Variants in POU2AF2 observed in about 807,000 individuals in gnomAD.
POU2AF2 encodes the protein POU class 2 homeobox associating factor 2.
chr11:111,255,010 A>C, the POU2AF2 span, among the ~76,000 whole-genome samples: 77 of 152,340 alleles, frequency 5.1e-4, 1 homozygote, highest in African/African-American at 1.6e-3. Context: ...TTTCTAGAAT[A>C]GGCCAAACAA....
chr11:111,271,407 TTTTA>T, the POU2AF2 span, among the ~76,000 whole-genome samples: 1 of 152,200 alleles, frequency 6.6e-6, no homozygotes. Context: ...AAAAACTCTT[TTTTA>T]TTTCTTTTTT....
chr11:111,261,904 C>T, the POU2AF2 span, among the ~76,000 whole-genome samples: 13 of 152,096 alleles, frequency 8.5e-5, no homozygotes, highest in Non-Finnish European at 1.6e-4. Flanking sequence ...AGAGAAATAT[C>T]CCAAGTGAGA....
At chr11:111,284,175 C>T in the POU2AF2 span, 1 of 1,614,104 alleles carries the variant, frequency 6.2e-7, no homozygotes. Flanking sequence ...GTCTACACCT[C>T]CAGCGTGGGG....
chr11:111,268,363 A>G, the POU2AF2 span, among the ~76,000 whole-genome samples: 1 of 152,076 alleles, frequency 6.6e-6, no homozygotes, highest in East Asian at 1.9e-4. Context: ...CATAACCTGA[A>G]CCGACCCTAC....
the POU2AF2 span, among the ~76,000 whole-genome samples, chr11:111,252,866 G>A: frequency 3.3e-5 from 5 of 151,934 alleles, no homozygotes; most frequent in African/African-American, 9.7e-5. Context: ...CAAACTTCAA[G>A]AAGAAATAGT....
At chr11:111,277,991 G>A in the POU2AF2 span, among the ~76,000 whole-genome samples, 1 of 152,174 alleles carries the variant, frequency 6.6e-6, no homozygotes, top group Non-Finnish European at 1.5e-5. Context: ...CCTTCTCATA[G>A]AAATATTAAG....
chr11:111,283,969 A>G, the POU2AF2 span: 3 of 960,608 alleles, frequency 3.1e-6, no homozygotes, highest in East Asian at 7.2e-5. Flanking sequence ...CGTTGGAGTC[A>G]GGCACGCGTT....
the POU2AF2 span, chr11:111,256,006 G>A: frequency 8.3e-5 from 33 of 399,118 alleles, 1 homozygote; most frequent in Non-Finnish European, 8.8e-6. Flanking sequence ...CAGCAAACGA[G>A]TGTATCAAGG....
the POU2AF2 span, chr11:111,256,131 T>C: frequency 2.5e-6 from 1 of 398,880 alleles, no homozygotes; most frequent in Admixed American, 4.4e-5. Flanking sequence ...TGCTTGCAGG[T>C]TCTCTCTCCT....
At chr11:111,278,688 C>T in the POU2AF2 span, among the ~76,000 whole-genome samples, 6 of 152,298 alleles carry the variant, frequency 3.9e-5, no homozygotes, top group African/African-American at 1.4e-4. Context: ...GTCTCCTGAA[C>T]TGTGAGAAAT....
At chr11:111,262,688 G>A in the POU2AF2 span, among the ~76,000 whole-genome samples, 9 of 152,272 alleles carry the variant, frequency 5.9e-5, no homozygotes, top group African/African-American at 1.9e-4. Context: ...AAATGGTCTT[G>A]GGTAATTCCC....
the POU2AF2 span, among the ~76,000 whole-genome samples, chr11:111,262,370 C>T: frequency 6.6e-6 from 1 of 152,198 alleles, no homozygotes; most frequent in African/African-American, 2.4e-5. Context: ...GTCCCTAAAA[C>T]CGCCTGTCCT....
chr11:111,270,261 T>C, the POU2AF2 span, among the ~76,000 whole-genome samples: 1 of 152,240 alleles, frequency 6.6e-6, no homozygotes, highest in Admixed American at 6.5e-5. Context: ...GATAATTACA[T>C]GCACTATTAC....
chr11:111,262,782 T>G, the POU2AF2 span, among the ~76,000 whole-genome samples: 1 of 152,234 alleles, frequency 6.6e-6, no homozygotes, highest in Non-Finnish European at 1.5e-5. Flanking sequence ...TTTCTGTGCT[T>G]ATTTTTTTCA....
At chr11:111,250,302 C>T in the POU2AF2 span, among the ~76,000 whole-genome samples, 1 of 152,132 alleles carries the variant, frequency 6.6e-6, no homozygotes, top group Non-Finnish European at 1.5e-5. Flanking sequence ...TTCCTCATCC[C>T]CAGCCCATTC....
the POU2AF2 span, among the ~76,000 whole-genome samples, chr11:111,259,112 C>A: frequency 6.6e-6 from 1 of 152,068 alleles, no homozygotes; most frequent in South Asian, 2.1e-4. Flanking sequence ...AATATGAAGA[C>A]TATAATAACA....
At chr11:111,259,368 T>G in the POU2AF2 span, among the ~76,000 whole-genome samples, 1 of 145,794 alleles carries the variant, frequency 6.9e-6, no homozygotes, top group African/African-American at 2.6e-5. Context: ...CAGGCTGGAG[T>G]GCAGTGGCAC....
At chr11:111,281,307 C>T in the POU2AF2 span, 1 of 1,106,482 alleles carries the variant, frequency 9.0e-7, no homozygotes, top group Non-Finnish European at 1.3e-6. Flanking sequence ...TTCTGAATAT[C>T]ATAAAACCAA....
chr11:111,280,057 A>AAATATATAGATATATATATATAT, the POU2AF2 span, among the ~76,000 whole-genome samples: 2 of 76,500 alleles, frequency 2.6e-5, no homozygotes, highest in Non-Finnish European at 5.1e-5. Flanking sequence ...AAAAAAAAAA[A>AAATATATAGATATATATATATAT]ATATATATAT....
Sources: allele counts gnomAD v4.1 joint callset (sites outside exome capture counted in the v4.1 genomes callset), GRCh38; gene constraint gnomAD v4.1.1; transcripts MANE v1.5; gene names NCBI Gene and HGNC (gene_info 2026-07-23, HGNC 2026-07-21).